Variants in TPM4 observed in about 807,000 individuals in gnomAD.
The protein encoded by TPM4 is tropomyosin 4, also known as tropomyosin alpha-4 chain.
Under a neutral mutation model 35.8 loss-of-function variants are expected in TPM4, and 17 were observed. The observed-to-expected ratio is 0.47, with a 90% confidence interval of 0.32 to 0.71. The LOEUF (loss-of-function observed/expected upper bound fraction) is 0.71. Among genes scored for constraint, TPM4 ranks in the 30% least tolerant of loss-of-function variants. The pLI is 0.03. For synonymous variants in TPM4, 120 were observed against 122.9 expected, an observed-to-expected ratio of 0.98 and a Z score of 0.15; for missense variants, 240 against 320.9, an observed-to-expected ratio of 0.75 and a Z score of 1.93.
At chr19:16,074,300 G>A (rs10412605), upstream of TPM4, 49,106 of 152,118 alleles carry the variant, frequency 0.32, 8,538 homozygotes, top group East Asian at 0.49. Context: ...GGTAGCTTCA[G>A]TAATAGACAT....
At chr19:16,076,181 G>A, upstream of TPM4, 1 of 1,554,578 alleles carries the variant, frequency 6.4e-7, no homozygotes, top group Non-Finnish European at 8.7e-7. Flanking sequence ...ACGTACGTGT[G>A]CAGGGATGCG....
chr19:16,071,511 G>A (rs541762586), upstream of TPM4, among the ~76,000 whole-genome samples: 6 of 152,324 alleles, frequency 3.9e-5, no homozygotes, highest in Non-Finnish European at 7.3e-5. Context: ...CTTCATGACT[G>A]AGGACACGTT....
rs191014951 is a variant in TPM4 at position 16,083,337 on chromosome 19, A to G, written c.266+1291A>G. Among the ~76,000 whole-genome samples, 350 of 152,164 alleles carry G rather than the reference A, an allele frequency of 2.3e-3. 1 individual carries two copies. The highest frequency in any genetic ancestry group is 8.0e-3 in the African/African-American group (330 of 41,490). On this transcript the variant is annotated intron_variant, in intron 2 of 7. Transcript: ENST00000643579. ...CGGGCACCTGTAATCCCACCTACTC[A>G]GGAGGCTAAGGCAAGATCCCCCAGC...
chr19:16,095,882 C>G (rs1250173484), intron 7 of TPM4: 1 of 151,716 alleles, frequency 6.6e-6, no homozygotes, highest in Non-Finnish European at 1.5e-5. Context: ...TCCCAAGTAG[C>G]TGGAACTACA....
intron 5 of TPM4, 74 bp downstream of exon 5, chr19:16,089,194 C>T (rs2090596143): frequency 3.1e-6 from 5 of 1,591,266 alleles, no homozygotes; most frequent in Non-Finnish European, 3.4e-6. Context: ...ATGCAGGAGC[C>T]TGTCAGGTTA....
At chr19:16,082,808 G>A (rs554213523) in intron 2 of TPM4, among the ~76,000 whole-genome samples, 1 of 152,038 alleles carries the variant, frequency 6.6e-6, no homozygotes, top group African/African-American at 2.4e-5. Flanking sequence ...CTGGGGCAAT[G>A]TGGTGAGACC....
At chr19:16,088,348 G>A in intron 4 of TPM4, 1 of 1,326,892 alleles carries the variant, frequency 7.5e-7, no homozygotes, top group Non-Finnish European at 9.7e-7. Flanking sequence ...TGAGACAGGA[G>A]GCAGCAGGGA....
At chr19:16,071,056 G>A (rs374156159) in intron 2 of TPM4, among the ~76,000 whole-genome samples, 79 of 152,334 alleles carry the variant, frequency 5.2e-4, no homozygotes, top group African/African-American at 1.2e-3. Flanking sequence ...AGCCAGCTGC[G>A]TGGCCAAGGA....
intron 5 of TPM4, among the ~76,000 whole-genome samples, chr19:16,090,645 G>GCC (rs769524958): frequency 1.3e-5 from 2 of 152,030 alleles, no homozygotes; most frequent in African/African-American, 2.4e-5. Flanking sequence ...CTGCTGTGTA[G>GCC]CCCTGTCTAT....
upstream of TPM4, among the ~76,000 whole-genome samples, chr19:16,072,056 G>A (rs923284859): frequency 6.6e-5 from 10 of 152,208 alleles, no homozygotes; most frequent in Non-Finnish European, 1.5e-4. Flanking sequence ...TCCTGACCTC[G>A]TGATCCGCCC....
chr19:16,088,017 G>T lies in TPM4; in HGVS notation c.385-10G>T. ...GGATCGGGCTCAGCTGGGCCTTTCT[G>T]TCTCTGCAGGTAGCTCGTAAGCTGG... On this transcript the variant is annotated splice_polypyrimidine_tract_variant and intron_variant, in intron 3 of 7. Transcript: ENST00000643579. The T allele has an allele frequency of 6.2e-7, 1 of 1,608,360 alleles. No homozygotes were observed. Among genetic ancestry groups the T allele is most frequent in the Non-Finnish European group, 8.5e-7 (1 of 1,178,154 alleles).
chr19:16,076,697 A>C lies in TPM4; in HGVS notation c.132A>C (p.Lys44Asn). The change falls in exon 1 of 8, where the codon AAA (lysine) becomes AAC (asparagine). Residue 44 changes from lysine (K) to asparagine (N), a missense_variant and splice_region_variant. Transcript: ENST00000643579. Reference sequence around the variant, plus strand: ...ACGGCGAGCGCGAGCGGCGCGAGAAAGTGAGCGCCCCGGCCTCGGGCCCCG... The same window carrying C: ...ACGGCGAGCGCGAGCGGCGCGAGAACGTGAGCGCCCCGGCCTCGGGCCCCG... The part of the protein sequence containing the change: ...ELDGERERRE[K>N]AEGDVAALNR... 1 of 1,346,410 alleles carries C rather than the reference A, an allele frequency of 7.4e-7. No homozygotes were observed. Among genetic ancestry groups the C allele is most frequent in the Non-Finnish European group, 9.5e-7 (1 of 1,049,578 alleles). The allele number at this position is 1,346,410 out of a possible 1,614,324, so 83.4% of individuals were successfully genotyped here.
intron 7 of TPM4, among the ~76,000 whole-genome samples, chr19:16,098,623 G>A (rs532119316): frequency 3.3e-5 from 5 of 151,898 alleles, no homozygotes; most frequent in African/African-American, 1.2e-4. Flanking sequence ...AAGATGAAGC[G>A]AAGTCAGGAT....
chr19:16,078,968 G>A (rs2090447872), intron 1 of TPM4, among the ~76,000 whole-genome samples: 1 of 151,864 alleles, frequency 6.6e-6, no homozygotes, highest in African/African-American at 2.4e-5. Context: ...CTGTTCCTTT[G>A]CCACATGTAT....
chr19:16,101,995 T>G lies in TPM4; in HGVS notation c.*649T>G. 1 of 216,450 alleles carries G rather than the reference T, an allele frequency of 4.6e-6. No homozygotes were observed. Among genetic ancestry groups the G allele is most frequent in the African/African-American group, 2.2e-5 (1 of 44,502 alleles). The allele number at this position is 216,450 out of a possible 1,614,324, so 13.4% of individuals were successfully genotyped here. A position where few individuals can be genotyped will look rare whatever the true frequency, so the allele number is the denominator to read the frequency against. ...AGTCATAATTACCCACATATAGTAATTAATAGATGGTAATTAATTGATCCT... is the reference window on the plus strand; with the variant it reads ...AGTCATAATTACCCACATATAGTAAGTAATAGATGGTAATTAATTGATCCT... On this transcript the variant is annotated 3_prime_UTR_variant, in exon 8 of 8. Coordinates refer to ENST00000643579, the MANE Select transcript of TPM4 (RefSeq NM_003290.3).
chr19:16,079,496 A>G (rs1232210834), intron 1 of TPM4, among the ~76,000 whole-genome samples: 1 of 152,178 alleles, frequency 6.6e-6, no homozygotes, highest in African/African-American at 2.4e-5. Flanking sequence ...CAGTTTCATC[A>G]GTGGTTTTCA....
intron 2 of TPM4, among the ~76,000 whole-genome samples, chr19:16,069,851 C>T (rs535174860): frequency 6.6e-5 from 10 of 151,922 alleles, no homozygotes; most frequent in East Asian, 1.9e-4. Flanking sequence ...TTTCTGCTGG[C>T]GTGTGCATAT....
intron 5 of TPM4, chr19:16,093,036 G>A (rs1289711929): frequency 6.1e-6 from 1 of 163,558 alleles, no homozygotes; most frequent in East Asian, 1.8e-4. Flanking sequence ...TAAATTCTTT[G>A]TAGAGACGGG....
At chr19:16,078,150 G>A (rs1477488480) in intron 1 of TPM4, 1 of 398,518 alleles carries the variant, frequency 2.5e-6, no homozygotes, top group Non-Finnish European at 4.4e-6. Flanking sequence ...ATGGAGCGAG[G>A]TCTGCATTCC....
Sources: allele counts gnomAD v4.1 joint callset (sites outside exome capture counted in the v4.1 genomes callset), GRCh38; gene constraint gnomAD v4.1.1; transcripts MANE v1.5; gene names NCBI Gene and HGNC (gene_info 2026-07-23, HGNC 2026-07-21).